PHPT1: variants seen among roughly 807,000 people sequenced by gnomAD.
PHPT1 encodes phosphohistidine phosphatase 1.
In PHPT1, 16 loss-of-function variants were observed where a neutral mutation model predicts 15.6. The ratio of observed to expected loss-of-function variants is 1.03; its 90% CI spans 0.70 to 1.56. The LOEUF (loss-of-function observed/expected upper bound fraction) is 1.56, where lower values mean the gene tolerates loss of function less well. Among genes scored for constraint, PHPT1 ranks in the 40% most tolerant of loss-of-function variants. The pLI, the probability that PHPT1 is intolerant of heterozygous loss-of-function variation, is 0.00. For missense variants in PHPT1, 228 were observed against 171.0 expected (o/e 1.33, Z -1.86); for synonymous variants, 102 against 68.1 (o/e 1.50, Z -2.45).
At chr9:136,850,161 C>T (rs1250743098) in intron 2 of PHPT1, 24 bp downstream of exon 2, 1 of 1,612,790 alleles carries the variant, frequency 6.2e-7, no homozygotes, top group Admixed American at 1.7e-5. Flanking sequence ...CCGTCCCGCC[C>T]TGCCGGAGGC....
chr9:136,850,862 G>A lies in PHPT1; in HGVS notation c.*15G>A, dbSNP rs749135047. 1.9e-6 allele frequency: 3 copies of A among 1,599,104 alleles called. No individual in the cohort carries two copies. Among genetic ancestry groups the A allele is most frequent in the Admixed American group, 3.3e-5 (2 of 60,008 alleles). ...ACGGCTACTGAGCACTCCCAGCCCG[G>A]GGCCTGCTGCCTCCAGCAGCCACTT... On this transcript the variant is annotated 3_prime_UTR_variant, in exon 3 of 3. Transcript: ENST00000247665.
chr9:136,850,431 G>A (rs949280180), intron 2 of PHPT1: 1 of 1,364,566 alleles, frequency 7.3e-7, no homozygotes, highest in African/African-American at 1.4e-5. Flanking sequence ...TTTGGGCCCT[G>A]GGCCCCCAGA....
chr9:136,850,692 C>T, intron 2 of PHPT1, 63 bp from the exon 3 acceptor site: 1 of 1,513,978 alleles, frequency 6.6e-7, no homozygotes, highest in East Asian at 2.3e-5. Context: ...TGGCTGGATG[C>T]CCAGAGCCGG....
chr9:136,850,670 T>C (rs1588388183), intron 2 of PHPT1, 85 bp from the exon 3 acceptor site: 1 of 1,468,834 alleles, frequency 6.8e-7, no homozygotes, highest in Non-Finnish European at 9.5e-7. Flanking sequence ...CACTCGCTTC[T>C]GGTGTGGCTG....
At position 136,850,851 on chromosome 9, in the gene PHPT1, C is replaced by T. The variant is rs755080994; in HGVS notation, c.*4C>T. 17 of 1,609,992 alleles carry T rather than the reference C, an allele frequency of 1.1e-5. No homozygotes were observed. The highest frequency in any genetic ancestry group is 1.4e-5 in the Non-Finnish European group (17 of 1,177,418). On this transcript the variant is annotated 3_prime_UTR_variant, in exon 3 of 3. Transcript: ENST00000247665. ...CTGGGCTAACGACGGCTACTGAGCACTCCCAGCCCGGGGCCTGCTGCCTCC... is the reference window on the plus strand; with the variant it reads ...CTGGGCTAACGACGGCTACTGAGCATTCCCAGCCCGGGGCCTGCTGCCTCC...
chr9:136,850,328 C>T (rs543409842), intron 2 of PHPT1, 191 bp downstream of exon 2: 7 of 860,872 alleles, frequency 8.1e-6, no homozygotes, highest in African/African-American at 1.7e-5. Flanking sequence ...ACACGCCAGA[C>T]CTGAGGGGTG....
chr9:136,850,826 C>T lies in PHPT1; in HGVS notation c.357C>T (p.Thr119=), dbSNP rs765541073. 4.3e-6 allele frequency: 7 copies of T among 1,612,840 alleles called. No individual in the cohort carries two copies. Among genetic ancestry groups the T allele is most frequent in the African/African-American group, 4.0e-5 (3 of 74,932 alleles). The part of the protein sequence containing the change: ...IKAKYPDYEV[T]WANDGY ...CCAAGTACCCCGACTACGAGGTCAC[C>T]TGGGCTAACGACGGCTACTGAGCAC... The change falls in exon 3 of 3, where the codon ACC becomes ACT. Residue 119 remains threonine (T), a synonymous_variant. Transcript: ENST00000247665.
chr9:136,849,776 C>A, intron 1 of PHPT1, 186 bp downstream of exon 1: 1 of 748,854 alleles, frequency 1.3e-6, no homozygotes, highest in Middle Eastern at 4.0e-4. Context: ...GGCTGAGGTC[C>A]TGGGCGGGAA....
chr9:136,850,898 G>A lies in PHPT1; in HGVS notation c.*51G>A, dbSNP rs767013191. 21 of 1,347,822 alleles carry A rather than the reference G, an allele frequency of 1.6e-5. No individual in the cohort carries two copies. Among genetic ancestry groups the A allele is most frequent in the East Asian group, 9.2e-5 (4 of 43,668 alleles). 83.5% of individuals were successfully genotyped at this position (1,347,822 alleles called of 1,614,324 possible). A position where few individuals can be genotyped will look rare whatever the true frequency, so the allele number is the denominator to read the frequency against. On this transcript the variant is annotated 3_prime_UTR_variant, in exon 3 of 3. Transcript: ENST00000247665. Reference sequence around the variant, plus strand: ...CTCCAGCAGCCACTTCAGAGCCCCCGCCTTTGCCTGCACTCCTCTTGCAGG... The same window carrying A: ...CTCCAGCAGCCACTTCAGAGCCCCCACCTTTGCCTGCACTCCTCTTGCAGG...
At chr9:136,850,510 G>A (rs1331709901) in intron 2 of PHPT1, 3 of 1,611,946 alleles carry the variant, frequency 1.9e-6, no homozygotes, top group Non-Finnish European at 2.5e-6. Flanking sequence ...CAGCAGATGA[G>A]ACCCACGTGC....
intron 1 of PHPT1, 89 bp downstream of exon 1, chr9:136,849,679 G>A: frequency 1.1e-6 from 1 of 911,994 alleles, no homozygotes; most frequent in Non-Finnish European, 1.5e-6. Flanking sequence ...GACGAGGCAG[G>A]GGCGGGGCTG....
chr9:136,850,026 C>T lies in PHPT1; in HGVS notation c.174C>T (p.Asp58=). The change falls in exon 2 of 3, where the codon GAC becomes GAT. Residue 58 remains aspartate (D), a synonymous_variant. Coordinates refer to ENST00000247665, the MANE Select transcript of PHPT1 (RefSeq NM_014172.6). ...KWAEYHADIY[D]KVSGDMQKQG... The stretch of plus-strand genomic sequence containing the variant: ...CTCCCATCCCAGCGGACATCTACGA[C>T]AAAGTGTCGGGCGACATGCAGAAGC... 1 of 1,612,562 alleles carries T rather than the reference C, an allele frequency of 6.2e-7. No individual in the cohort carries two copies. Among genetic ancestry groups the T allele is most frequent in the Non-Finnish European group, 8.5e-7 (1 of 1,179,624 alleles).
chr9:136,850,290 A>G, intron 2 of PHPT1, 153 bp downstream of exon 2: 3 of 998,100 alleles, frequency 3.0e-6, no homozygotes, highest in Non-Finnish European at 4.5e-6. Flanking sequence ...TCCAGGGCCC[A>G]TTGTGTTCCT....
In PHPT1 at chr9:136,849,492, A is replaced by G. The variant is rs1314941224; in HGVS notation, c.62A>G (p.Lys21Arg). 1.2e-6 allele frequency: 2 copies of G among 1,611,866 alleles called. No individual in the cohort carries two copies. The highest frequency in any genetic ancestry group is 1.7e-5 in the Admixed American group (1 of 59,950). Residue 21 changes from lysine to arginine, a missense_variant, in exon 1 of 3, where the codon AAG (lysine) becomes AGG (arginine). Lys to Arg is a conservative substitution (Grantham distance 26). Coordinates refer to ENST00000247665, the MANE Select transcript of PHPT1 (RefSeq NM_014172.6). Reference protein sequence around the residue: ...DVDIDSDGVFKYVLIRVHSAP... With the variant: ...DVDIDSDGVFRYVLIRVHSAP... ...GACATCGACTCCGACGGCGTCTTCA[A>G]GTATGTGCTGATCCGAGTCCACTCG...
Position 136,849,601 on chromosome 9 carries a change from G to A in PHPT1, c.160+11G>A. ...GGGCTGAGTACCATGGTGAGGGCGGGACCTGCGGGCATGCCAGGGGCACGC... is the reference window on the plus strand; with the variant it reads ...GGGCTGAGTACCATGGTGAGGGCGGAACCTGCGGGCATGCCAGGGGCACGC... On this transcript the variant is annotated intron_variant, in intron 1 of 2. Transcript: ENST00000247665. The A allele has an allele frequency of 6.7e-7, 1 of 1,494,940 alleles. No homozygotes were observed. The highest frequency in any genetic ancestry group is 9.0e-7 in the Non-Finnish European group (1 of 1,116,688). 92.6% of individuals were successfully genotyped at this position (1,494,940 alleles called of 1,614,324 possible).
chr9:136,850,273 C>T, intron 2 of PHPT1, 136 bp downstream of exon 2: 2 of 1,178,948 alleles, frequency 1.7e-6, no homozygotes, highest in Non-Finnish European at 1.2e-6. Flanking sequence ...GGCGGCAGAG[C>T]CCTCCCTCCA....
Position 136,850,772 on chromosome 9 carries a change from G to C in PHPT1, c.303G>C (p.Gln101His). The stretch of plus-strand genomic sequence containing the variant: ...TTCTCCAGGCCTATGGTCCTGCCCA[G>C]CACGCCATTTCAACTGAGAAAATCA... Reference protein sequence around the residue: ...YGYSMAYGPAQHAISTEKIKA... With the variant: ...YGYSMAYGPAHHAISTEKIKA... Residue 101 changes from glutamine (Q) to histidine (H), a missense_variant, in exon 3 of 3, where the codon CAG (glutamine) becomes CAC (histidine). Coordinates refer to ENST00000247665, the MANE Select transcript of PHPT1 (RefSeq NM_014172.6). The C allele has an allele frequency of 6.2e-7, 1 of 1,613,130 alleles. No homozygotes were observed. Among genetic ancestry groups the C allele is most frequent in the Non-Finnish European group, 8.5e-7 (1 of 1,179,840 alleles).
chr9:136,850,159 C>T (rs773482457), intron 2 of PHPT1, 22 bp downstream of exon 2: 18 of 1,612,834 alleles, frequency 1.1e-5, no homozygotes, highest in Non-Finnish European at 1.4e-5. Context: ...CCCCGTCCCG[C>T]CCTGCCGGAG....
chr9:136,850,259 G>A (rs1459364619), intron 2 of PHPT1, 122 bp downstream of exon 2: 4 of 1,358,664 alleles, frequency 2.9e-6, no homozygotes, highest in African/African-American at 1.4e-5. Context: ...GTTCTCCCAG[G>A]GTCGGCGGCA....
Sources: gnomAD v4.1 joint callset for allele counts on GRCh38, gnomAD v4.1.1 for gene constraint, MANE v1.5 for transcripts, NCBI Gene and HGNC (gene_info 2026-07-23, HGNC 2026-07-21) for gene names.